Variants in DSCAM observed in about 807,000 individuals in gnomAD.
DSCAM encodes DS cell adhesion molecule.
Under a neutral mutation model 217.7 loss-of-function variants are expected in DSCAM, and 47 were observed. The ratio of observed to expected loss-of-function variants is 0.22; its 90% confidence interval spans 0.17 to 0.28. The LOEUF (loss-of-function observed/expected upper bound fraction) is 0.28. DSCAM is among the 10% of genes least tolerant of loss of function. The probability of loss-of-function intolerance (pLI) is 1.00; values close to 1 mark genes in which losing one functional copy is unlikely to be tolerated. For missense variants in DSCAM, 2,080 were observed against 2,618.3 expected, an observed-to-expected ratio of 0.79 and a Z score of 4.49; for synonymous variants, 1,056 against 1,015.3, an observed-to-expected ratio of 1.04 and a Z score of -0.76.
intron 3 of DSCAM, among the ~76,000 whole-genome samples, chr21:40,492,503 CAATA>C (rs1266781621): frequency 1.3e-5 from 2 of 151,748 alleles, no homozygotes; most frequent in Admixed American, 6.6e-5. Context: ...GATCAGGAAA[CAATA>C]AATGATCAAT....
intron 3 of DSCAM, among the ~76,000 whole-genome samples, chr21:40,663,112 T>C (rs894956511): frequency 6.8e-6 from 1 of 146,428 alleles, no homozygotes; most frequent in Non-Finnish European, 1.5e-5. Flanking sequence ...GGTGTGTATG[T>C]GTGAGTGTAT....
At chr21:40,549,997 A>G (rs1034548480) in intron 3 of DSCAM, among the ~76,000 whole-genome samples, 5 of 152,226 alleles carry the variant, frequency 3.3e-5, no homozygotes, top group African/African-American at 1.2e-4. Context: ...ATGGAGCATC[A>G]AGCCCTACGC....
chr21:40,806,531 G>A (rs1213453498), intron 1 of DSCAM, among the ~76,000 whole-genome samples: 1 of 152,146 alleles, frequency 6.6e-6, no homozygotes, highest in Non-Finnish European at 1.5e-5. Flanking sequence ...AAATCCTAGA[G>A]GTACTCAAAA....
intron 3 of DSCAM, among the ~76,000 whole-genome samples, chr21:40,555,560 C>T (rs145654260): frequency 3.8e-3 from 575 of 152,218 alleles, no homozygotes; most frequent in South Asian, 6.4e-3. Flanking sequence ...GACATATTAA[C>T]TTCCTCATAT....
At chr21:40,020,618 A>C (rs1026732735) in intron 32 of DSCAM, among the ~76,000 whole-genome samples, 3 of 152,084 alleles carry the variant, frequency 2.0e-5, no homozygotes, top group Non-Finnish European at 4.4e-5. Context: ...GGCATGGAGA[A>C]GGAAAGGACT....
chr21:40,501,869 T>C (rs1352566902), intron 3 of DSCAM, among the ~76,000 whole-genome samples: 2 of 152,186 alleles, frequency 1.3e-5, no homozygotes, highest in African/African-American at 2.4e-5. Context: ...GCTGGGATTA[T>C]AGGCGTGAGC....
At chr21:40,668,506 C>T (rs2090230199) in intron 3 of DSCAM, among the ~76,000 whole-genome samples, 1 of 152,174 alleles carries the variant, frequency 6.6e-6, no homozygotes, top group Non-Finnish European at 1.5e-5. Flanking sequence ...ACAACCAGGG[C>T]TAAGAACCTG....
At chr21:40,208,623 C>T (rs1278677034) in intron 11 of DSCAM, among the ~76,000 whole-genome samples, 1 of 152,190 alleles carries the variant, frequency 6.6e-6, no homozygotes, top group Admixed American at 6.5e-5. Flanking sequence ...CACCAGGAAA[C>T]AGCTGGGGAA....
At chr21:40,492,967 G>A (rs2076088155) in intron 3 of DSCAM, among the ~76,000 whole-genome samples, 1 of 151,854 alleles carries the variant, frequency 6.6e-6, no homozygotes, top group Non-Finnish European at 1.5e-5. Context: ...ACAAAGAGAG[G>A]AGCCTGAAAA....
At chr21:40,192,192 T>G (rs1042338774) in intron 11 of DSCAM, among the ~76,000 whole-genome samples, 2 of 152,204 alleles carry the variant, frequency 1.3e-5, no homozygotes, top group African/African-American at 4.8e-5. Flanking sequence ...CAGTCATTTC[T>G]CTTTTCCCCC....
intron 3 of DSCAM, among the ~76,000 whole-genome samples, chr21:40,492,893 A>G (rs1335074056): frequency 6.6e-6 from 1 of 152,114 alleles, no homozygotes; most frequent in Non-Finnish European, 1.5e-5. Context: ...AAAATTTTCA[A>G]TCAGATTCAA....
chr21:40,734,430 AC>A (rs2091042933), intron 1 of DSCAM, among the ~76,000 whole-genome samples: 1 of 152,192 alleles, frequency 6.6e-6, no homozygotes, highest in Non-Finnish European at 1.5e-5. Flanking sequence ...CTTGAAAAAT[AC>A]TTTTAAAAAT....
chr21:40,117,069 G>T (rs961912515), intron 20 of DSCAM, among the ~76,000 whole-genome samples: 1 of 141,116 alleles, frequency 7.1e-6, no homozygotes, highest in Non-Finnish European at 1.5e-5. Context: ...ATGGAAGAAT[G>T]ATTTCTATGT....
intron 11 of DSCAM, among the ~76,000 whole-genome samples, chr21:40,202,704 T>C (rs1000830252): frequency 6.6e-6 from 1 of 152,238 alleles, no homozygotes; most frequent in Non-Finnish European, 1.5e-5. Flanking sequence ...CCACCATATT[T>C]CTGATTCCTA....
chr21:40,593,221 G>T (rs944400789), intron 3 of DSCAM, among the ~76,000 whole-genome samples: 1 of 151,618 alleles, frequency 6.6e-6, no homozygotes, highest in Admixed American at 6.6e-5. Context: ...TCTTGAAATT[G>T]TTGGTCCTTG....
At chr21:40,827,482 A>AG (rs1555892996) in intron 1 of DSCAM, among the ~76,000 whole-genome samples, 80 of 137,204 alleles carry the variant, frequency 5.8e-4, no homozygotes, top group Admixed American at 2.1e-3. Flanking sequence ...AAAAAAAAAA[A>AG]AAAAGAAAAG....
intron 16 of DSCAM, among the ~76,000 whole-genome samples, chr21:40,160,010 G>A (rs2090522716): frequency 6.6e-6 from 1 of 152,196 alleles, no homozygotes; most frequent in African/African-American, 2.4e-5. Flanking sequence ...CCATTGGTGG[G>A]GTGGGCGGAA....
At chr21:40,438,673 A>G (rs527965052) in intron 3 of DSCAM, among the ~76,000 whole-genome samples, 3 of 152,316 alleles carry the variant, frequency 2.0e-5, no homozygotes, top group South Asian at 2.1e-4. Context: ...CTTTCTTTTG[A>G]TGCTAACAAC....
chr21:40,418,760 A>T (rs1167598094), intron 3 of DSCAM, among the ~76,000 whole-genome samples: 1 of 152,202 alleles, frequency 6.6e-6, no homozygotes, highest in Non-Finnish European at 1.5e-5. Flanking sequence ...ATGATAAATG[A>T]ATTAAGGACT....
Sources: gnomAD v4.1 joint callset for allele counts (sites outside exome capture counted in the v4.1 genomes callset) on GRCh38, gnomAD v4.1.1 for gene constraint, MANE v1.5 for transcripts, NCBI Gene and HGNC (gene_info 2026-07-23, HGNC 2026-07-21) for gene names.